Variants in MAP3K3 observed in about 807,000 individuals in gnomAD.
MAP3K3 encodes MAP/ERK kinase kinase 3.
A neutral mutation model predicts 80.9 loss-of-function variants in MAP3K3; 12 were observed. The observed-to-expected ratio is 0.15, with a 90% CI of 0.10 to 0.24. MAP3K3 has a LOEUF of 0.24. Ranked by LOEUF, MAP3K3 falls within the 10% of genes least tolerant of loss-of-function variation. MAP3K3 has a pLI of 1.00. For missense variants in MAP3K3, 596 were observed against 834.7 expected, an observed-to-expected ratio of 0.71 and a Z score of 3.52; for synonymous variants, 272 against 307.1, an observed-to-expected ratio of 0.89 and a Z score of 1.19.
chr17:63,668,856 A>G (rs1296102482), intron 6 of MAP3K3, among the ~76,000 whole-genome samples: 1 of 152,186 alleles, frequency 6.6e-6, no homozygotes, highest in Non-Finnish European at 1.5e-5. Context: ...GCTGAGATGA[A>G]TGCTGCAGTG....
At position 63,689,929 on chromosome 17, in the gene MAP3K3, A is replaced by G; in HGVS notation, c.1063+194A>G. The G allele has an allele frequency of 1.7e-6, 1 of 599,808 alleles. No homozygotes were observed. The highest frequency in any genetic ancestry group is 2.8e-5 in the East Asian group (1 of 35,352). 37.2% of individuals were successfully genotyped at this position (599,808 alleles called of 1,614,324 possible). On this transcript the variant is annotated intron_variant, in intron 11 of 15. Coordinates refer to ENST00000361733, the MANE Select transcript of MAP3K3 (RefSeq NM_002401.5). The surrounding 1 kb of genome is among the most constrained non-coding windows in gnomAD (Gnocchi z 4.3). The stretch of plus-strand genomic sequence containing the variant: ...TGTGACAAGCCTCTTCTCCTCTCTG[A>G]TCTTTAGTTTTTCCATGTTTAAACT...
At chr17:63,634,710 A>G (rs1286505821) in intron 2 of MAP3K3, 1 of 1,612,046 alleles carries the variant, frequency 6.2e-7, no homozygotes, top group South Asian at 1.1e-5. Flanking sequence ...TTTTTAAAGA[A>G]AAAACACAAC....
chr17:63,692,698 C>T lies in MAP3K3; in HGVS notation c.1652+279C>T, dbSNP rs2035617797. 6.6e-6 allele frequency among the ~76,000 whole-genome samples: 1 copy of T among 152,038 alleles called. No individual in the cohort carries two copies. The highest frequency in any genetic ancestry group is 1.5e-5 in the Non-Finnish European group (1 of 68,034). On this transcript the variant is annotated intron_variant, in intron 15 of 15. Transcript: ENST00000361733. This position sits in a 1 kb window ranked among gnomAD's most constrained non-coding sequence, Gnocchi z 4.5. ...AGGATCCACTCTGAAGGCCTGAAGG[C>T]CTGGACCAGTCTCTCAACAGGAGCA... is the stretch of plus-strand genomic sequence containing the variant.
At chr17:63,674,563 G>C (rs1002678926) in intron 6 of MAP3K3, among the ~76,000 whole-genome samples, 1 of 152,082 alleles carries the variant, frequency 6.6e-6, no homozygotes, top group Admixed American at 6.6e-5. Flanking sequence ...TGCCCAGCCT[G>C]GTCTTGAATT....
intron 7 of MAP3K3, among the ~76,000 whole-genome samples, chr17:63,683,989 T>C (rs1053330876): frequency 6.6e-6 from 1 of 151,410 alleles, no homozygotes; most frequent in Admixed American, 6.6e-5. Context: ...AAACCCTGTC[T>C]CTACAAAAAA....
intron 6 of MAP3K3, among the ~76,000 whole-genome samples, chr17:63,678,050 T>C (rs2035255374): frequency 6.6e-6 from 1 of 152,184 alleles, no homozygotes; most frequent in Non-Finnish European, 1.5e-5. Flanking sequence ...CTGCCCTTTT[T>C]GGAAATAAAT....
intron 1 of MAP3K3, among the ~76,000 whole-genome samples, chr17:63,628,580 G>A (rs1253697620): frequency 1.3e-5 from 2 of 152,028 alleles, no homozygotes; most frequent in Non-Finnish European, 2.9e-5. Flanking sequence ...GGCTGTTCTC[G>A]AACCCCTAAC....
At chr17:63,633,916 T>C (rs545066545) in intron 2 of MAP3K3, among the ~76,000 whole-genome samples, 1 of 152,358 alleles carries the variant, frequency 6.6e-6, no homozygotes, top group African/African-American at 2.4e-5. Flanking sequence ...CTAGAGATAG[T>C]ATAAGGCCCT....
intron 6 of MAP3K3, among the ~76,000 whole-genome samples, chr17:63,667,644 A>C (rs752712800): frequency 3.9e-5 from 6 of 152,204 alleles, no homozygotes; most frequent in Non-Finnish European, 7.3e-5. Flanking sequence ...GAAATAAAAT[A>C]GTGTAGTATT....
rs1481738205 is a variant in MAP3K3, at chr17:63,692,226, C to A, written c.1475-16C>A. Reference sequence around the variant, plus strand: ...AGAGGGTCCAGGGTTGCAGCCTCTGCCCTTTCATGCCTCAGGAGCCAACAT... The same window carrying A: ...AGAGGGTCCAGGGTTGCAGCCTCTGACCTTTCATGCCTCAGGAGCCAACAT... On this transcript the variant is annotated splice_polypyrimidine_tract_variant and intron_variant, in intron 14 of 15. Transcript: ENST00000361733. The surrounding 1 kb of genome is among the most constrained non-coding windows in gnomAD (Gnocchi z 4.5). The A allele has an allele frequency of 6.2e-7, 1 of 1,613,556 alleles. No homozygotes were observed. Among genetic ancestry groups the A allele is most frequent in the Admixed American group, 1.7e-5 (1 of 59,902 alleles).
chr17:63,627,767 A>C (rs907595866), intron 1 of MAP3K3, among the ~76,000 whole-genome samples: 2 of 151,850 alleles, frequency 1.3e-5, no homozygotes, highest in Non-Finnish European at 2.9e-5. Flanking sequence ...TATTTTTTGT[A>C]GAGATGGGGT....
At chr17:63,659,694 C>T (rs563961830) in intron 5 of MAP3K3, among the ~76,000 whole-genome samples, 13 of 151,616 alleles carry the variant, frequency 8.6e-5, no homozygotes, top group Admixed American at 2.6e-4. Flanking sequence ...CACCACGCCC[C>T]GCTAATTTTT....
intron 1 of MAP3K3, among the ~76,000 whole-genome samples, chr17:63,632,230 G>T (rs926658042): frequency 2.0e-5 from 3 of 152,294 alleles, no homozygotes; most frequent in Non-Finnish European, 4.4e-5. Flanking sequence ...GCCCACACCT[G>T]TATGTAATCT....
intron 6 of MAP3K3, among the ~76,000 whole-genome samples, chr17:63,678,368 C>A (rs1348303095): frequency 6.6e-6 from 1 of 152,328 alleles, no homozygotes; most frequent in Admixed American, 6.5e-5. Context: ...AGGACAAATT[C>A]TCTTCCATGG....
At position 63,622,590 on chromosome 17, in the gene MAP3K3, G is replaced by T. The variant is rs1442921507; in HGVS notation, c.-170G>T. The T allele has an allele frequency of 6.4e-6, 1 of 157,088 alleles. No homozygotes were observed. Among genetic ancestry groups the T allele is most frequent in the Non-Finnish European group, 1.4e-5 (1 of 72,652 alleles). The allele number at this position is 157,088 out of a possible 1,614,324, so 9.7% of individuals were successfully genotyped here. ...CCGATGCCACAGCGCCCGGCCGCGGGCGGAGCCGGAGCCGGAGCCTGGGGA... is the reference window on the plus strand; with the variant it reads ...CCGATGCCACAGCGCCCGGCCGCGGTCGGAGCCGGAGCCGGAGCCTGGGGA... On this transcript the variant is annotated 5_prime_UTR_variant, in exon 1 of 16. Coordinates refer to ENST00000361733, the MANE Select transcript of MAP3K3 (RefSeq NM_002401.5).
intron 7 of MAP3K3, among the ~76,000 whole-genome samples, chr17:63,683,850 AATT>A (rs1342720499): frequency 6.6e-6 from 1 of 152,172 alleles, no homozygotes; most frequent in Non-Finnish European, 1.5e-5. Flanking sequence ...TTTTTGGCCT[AATT>A]TTTCCAACAA....
At position 63,689,485 on chromosome 17, in the gene MAP3K3, C is replaced by T. The variant is rs1268529430; in HGVS notation, c.872-59C>T. The stretch of plus-strand genomic sequence containing the variant: ...CGGGGTGTCTCAGACCTGGTTTGTA[C>T]GTTCCGCCTCGTAGCCTGGGGTGTG... On this transcript the variant is annotated intron_variant, in intron 10 of 15. Coordinates refer to ENST00000361733, the MANE Select transcript of MAP3K3 (RefSeq NM_002401.5). This position sits in a 1 kb window ranked among gnomAD's most constrained non-coding sequence, Gnocchi z 4.3. The T allele has an allele frequency of 3.0e-5, 44 of 1,483,694 alleles. No homozygotes were observed. Among genetic ancestry groups the T allele is most frequent in the East Asian group, 9.6e-5 (4 of 41,730 alleles). 91.9% of individuals were successfully genotyped at this position (1,483,694 alleles called of 1,614,324 possible).
At chr17:63,632,545 G>T in intron 1 of MAP3K3, 136 bp from the exon 2 acceptor site, 2 of 915,648 alleles carry the variant, frequency 2.2e-6, no homozygotes, top group Non-Finnish European at 3.3e-6. Flanking sequence ...GACCTTTTGG[G>T]CTGCATCTGA....
chr17:63,650,935 G>A (rs907729525), intron 3 of MAP3K3, among the ~76,000 whole-genome samples: 2 of 152,038 alleles, frequency 1.3e-5, no homozygotes, highest in African/African-American at 4.8e-5. Context: ...AGCCTCAAGC[G>A]AGCCTCCTAC....
Sources: allele counts gnomAD v4.1 joint callset (sites outside exome capture counted in the v4.1 genomes callset), GRCh38; gene constraint gnomAD v4.1.1; non-coding constraint Gnocchi (gnomAD v3.1); transcripts MANE v1.5; gene names NCBI Gene and HGNC (gene_info 2026-07-23, HGNC 2026-07-21).